MRC2: variants seen among roughly 807,000 people sequenced by gnomAD.
The protein encoded by MRC2 is C-type mannose receptor 2.
In MRC2, 84 loss-of-function variants were observed where a neutral mutation model predicts 206.2. The ratio of observed to expected loss-of-function variants is 0.41; its 90% CI spans 0.34 to 0.49. The LOEUF is 0.49. Among genes scored for constraint, MRC2 ranks in the 20% least tolerant of loss-of-function variants. The pLI, the probability that MRC2 is intolerant of heterozygous loss-of-function variation, is 0.31. For missense variants in MRC2, 1,676 were observed against 2,001.5 expected, an observed-to-expected ratio of 0.84 and a Z score of 3.10; for synonymous variants, 798 against 800.0, an observed-to-expected ratio of 1.00 and a Z score of 0.04.
rs1348535072 is a variant in MRC2 at position 62,672,761 on chromosome 17, G to A, written c.1461+609G>A. Among the ~76,000 whole-genome samples, 2 of 152,218 alleles carry A rather than the reference G, an allele frequency of 1.3e-5. No individual in the cohort carries two copies. Among genetic ancestry groups the A allele is most frequent in the Non-Finnish European group, 2.9e-5 (2 of 68,044 alleles). Reference sequence around the variant, plus strand: ...AATCCCAGCACATTGGGAGGCTGAGGCAGGCGGATCACTTGAGGTGAGGAG... The same window carrying A: ...AATCCCAGCACATTGGGAGGCTGAGACAGGCGGATCACTTGAGGTGAGGAG... On this transcript the variant is annotated intron_variant, in intron 8 of 29. Coordinates refer to ENST00000303375, the MANE Select transcript of MRC2 (RefSeq NM_006039.5). This position sits in a 1 kb window ranked among gnomAD's most constrained non-coding sequence, Gnocchi z 4.5.
chr17:62,680,637 A>AGCCTGGG lies in MRC2; in HGVS notation c.2474-149_2474-143dup, dbSNP rs898608691. 109 of 1,261,770 alleles carry AGCCTGGG rather than the reference A, an allele frequency of 8.6e-5. No homozygotes were observed. In the Admixed American group the frequency reaches 1.0e-3, roughly 12 times the overall value. 78.2% of individuals were successfully genotyped at this position (1,261,770 alleles called of 1,614,324 possible). On this transcript the variant is annotated intron_variant, in intron 16 of 29. Transcript: ENST00000303375. The surrounding 1 kb of genome is among the most constrained non-coding windows in gnomAD (Gnocchi z 4.8). ...TTGCTTCCGTGTGGGAGGCGAGGCA[A>AGCCTGGG]GCCTGGGGCCTGGGGCCTGGCACGG...
chr17:62,679,679 G>A, intron 13 of MRC2, 121 bp from the exon 14 acceptor site: 1 of 805,086 alleles, frequency 1.2e-6, no homozygotes, highest in Admixed American at 2.6e-5. Flanking sequence ...AAGCCCAGAT[G>A]GAGAGGCCCC....
chr17:62,638,686 C>T (rs970102665), intron 1 of MRC2, among the ~76,000 whole-genome samples: 7 of 148,272 alleles, frequency 4.7e-5, no homozygotes, highest in African/African-American at 1.7e-4. Flanking sequence ...TGCAGTGAGC[C>T]GAGGTGGTGC....
intron 11 of MRC2, 56 bp downstream of exon 11, chr17:62,676,587 T>C: frequency 6.5e-7 from 1 of 1,534,058 alleles, no homozygotes; most frequent in Non-Finnish European, 8.8e-7. Context: ...CAGGGTGGAC[T>C]GGCCCTGCCA....
At chr17:62,629,950 C>T (rs1598961382) in intron 1 of MRC2, among the ~76,000 whole-genome samples, 1 of 152,192 alleles carries the variant, frequency 6.6e-6, no homozygotes, top group Non-Finnish European at 1.5e-5. Context: ...GCAGGGGCAG[C>T]GAGGCGGCAG....
chr17:62,646,639 C>T (rs2088489885), intron 1 of MRC2, among the ~76,000 whole-genome samples: 1 of 152,214 alleles, frequency 6.6e-6, no homozygotes, highest in Middle Eastern at 3.2e-3. Flanking sequence ...TGCTCCTTGG[C>T]ACCAGGATTG....
intron 1 of MRC2, among the ~76,000 whole-genome samples, chr17:62,632,019 G>A (rs1321674180): frequency 2.0e-5 from 3 of 152,122 alleles, no homozygotes; most frequent in African/African-American, 4.8e-5. Flanking sequence ...TCAGGCCTAC[G>A]TGAGATGGGA....
chr17:62,630,381 C>G (rs887364080), intron 1 of MRC2, among the ~76,000 whole-genome samples: 9 of 152,138 alleles, frequency 5.9e-5, no homozygotes, highest in African/African-American at 2.2e-4. Flanking sequence ...TGGTCACACC[C>G]CTAGTAAGTG....
intron 26 of MRC2, 138 bp downstream of exon 26, chr17:62,690,443 T>C (rs1209741933): frequency 1.5e-6 from 2 of 1,355,120 alleles, no homozygotes; most frequent in South Asian, 1.4e-5. Flanking sequence ...TGCTCTCACA[T>C]GTGGAGACCA....
intron 1 of MRC2, among the ~76,000 whole-genome samples, chr17:62,641,209 C>A (rs1441439159): frequency 6.6e-6 from 1 of 150,538 alleles, no homozygotes; most frequent in Non-Finnish European, 1.5e-5. Flanking sequence ...CCCGTAATCC[C>A]AGCACTTTGG....
Position 62,690,073 on chromosome 17 carries a change from A to T in MRC2, c.3742+11A>T. ...GTGGGGTTAGCAGTGGTGAGTGCCC[A>T]CCTGCCAGGGCGGGGGCATGGGCAA... On this transcript the variant is annotated intron_variant, in intron 25 of 29. Coordinates refer to ENST00000303375, the MANE Select transcript of MRC2 (RefSeq NM_006039.5). 1 of 1,587,870 alleles carries T rather than the reference A, an allele frequency of 6.3e-7. No homozygotes were observed. Among genetic ancestry groups the T allele is most frequent in the Non-Finnish European group, 8.6e-7 (1 of 1,165,208 alleles).
At chr17:62,686,670 A>G (rs2429388) in intron 20 of MRC2, among the ~76,000 whole-genome samples, 130,176 of 152,162 alleles carry the variant, frequency 0.86, 58,441 homozygotes, top group Non-Finnish European at 0.98. Context: ...ACACTTGCAC[A>G]TGGCAGGGAT....
At chr17:62,651,086 C>CTT (rs764258977) in intron 1 of MRC2, among the ~76,000 whole-genome samples, 2 of 142,392 alleles carry the variant, frequency 1.4e-5, no homozygotes, top group Non-Finnish European at 1.5e-5. Flanking sequence ...TGACAAACAT[C>CTT]TTTTTTTTTT....
chr17:62,685,485 A>G (rs1024966787), intron 20 of MRC2, among the ~76,000 whole-genome samples: 2 of 152,182 alleles, frequency 1.3e-5, no homozygotes, highest in Non-Finnish European at 2.9e-5. Context: ...TCCCATTCTT[A>G]ATCATCATTG....
intron 1 of MRC2, among the ~76,000 whole-genome samples, chr17:62,630,162 GA>G (rs1456347683): frequency 3.9e-5 from 6 of 152,324 alleles, no homozygotes; most frequent in African/African-American, 1.4e-4. Flanking sequence ...TCTGGAAAAA[GA>G]AAATCGTGTG....
intron 27 of MRC2, 35 bp from the exon 28 acceptor site, chr17:62,690,914 T>C: frequency 6.5e-7 from 1 of 1,541,196 alleles, no homozygotes; most frequent in East Asian, 2.3e-5. Context: ...CTGCCCCACC[T>C]TGTCCCTGCT....
In MRC2 at chr17:62,627,936, C is replaced by T; in HGVS notation, c.118+16C>T. 1.4e-6 allele frequency: 2 copies of T among 1,412,820 alleles called. No homozygotes were observed. Among genetic ancestry groups the T allele is most frequent in the Non-Finnish European group, 1.8e-6 (2 of 1,091,178 alleles). The allele number at this position is 1,412,820 out of a possible 1,614,324, so 87.5% of individuals were successfully genotyped here. A position where few individuals can be genotyped will look rare whatever the true frequency, so the allele number is the denominator to read the frequency against. On this transcript the variant is annotated intron_variant, in intron 1 of 29. Transcript: ENST00000303375. ...GCCCTCCCGGGTAAGGCGCTGCCAA[C>T]TTGGCCAACTTCAGGGCCCGGGCGG...
intron 1 of MRC2, among the ~76,000 whole-genome samples, chr17:62,649,942 G>T (rs2429393): frequency 0.64 from 95,742 of 150,232 alleles, 30,488 homozygotes; most frequent in East Asian, 0.81. Flanking sequence ...CTCTATTGCT[G>T]AGGTTGGAGT....
At position 62,692,046 on chromosome 17, in the gene MRC2, G is replaced by A. The variant is rs747693879; in HGVS notation, c.4193-66G>A. On this transcript the variant is annotated intron_variant, in intron 28 of 29. Transcript: ENST00000303375. This position sits in a 1 kb window ranked among gnomAD's most constrained non-coding sequence, Gnocchi z 4.2. ...CGGCCCAGGCCTGTGTGCTTTGTAT[G>A]TTTACTTAAGTGATTATTACGATGA... The A allele has an allele frequency of 2.5e-6, 4 of 1,609,176 alleles. No homozygotes were observed. Among genetic ancestry groups the A allele is most frequent in the Non-Finnish European group, 2.6e-6 (3 of 1,175,986 alleles).
Sources: gnomAD v4.1 joint callset for allele counts (sites outside exome capture counted in the v4.1 genomes callset) on GRCh38, gnomAD v4.1.1 for gene constraint, Gnocchi (gnomAD v3.1) non-coding constraint, MANE v1.5 for transcripts, NCBI Gene and HGNC (gene_info 2026-07-23, HGNC 2026-07-21) for gene names.